ZNF398: variants seen among roughly 807,000 people sequenced by gnomAD.
ZNF398 encodes the protein zinc finger protein 398, also known as zinc finger DNA binding protein ZER6.
Under a neutral mutation model 41.9 loss-of-function variants are expected in ZNF398, and 18 were observed. The observed-to-expected ratio is 0.43, with a 90% CI of 0.30 to 0.64. The LOEUF (loss-of-function observed/expected upper bound fraction) is 0.64, where lower values mean the gene tolerates loss of function less well. Ranked by LOEUF, ZNF398 falls within the 30% of genes least tolerant of loss-of-function variation. The pLI is 0.14. For missense variants in ZNF398, 669 were observed against 822.8 expected, an observed-to-expected ratio of 0.81 and a Z score of 2.29; for synonymous variants, 260 against 308.8, an observed-to-expected ratio of 0.84 and a Z score of 1.66.
At chr7:149,164,277 G>A (rs1301328978) in intron 2 of ZNF398, among the ~76,000 whole-genome samples, 1 of 142,794 alleles carries the variant, frequency 7.0e-6, no homozygotes, top group East Asian at 2.1e-4. Context: ...CGTGGTGGTG[G>A]GCGCCTGTAG....
At chr7:149,137,197 G>C (rs1008498236) in intron 2 of ZNF398, among the ~76,000 whole-genome samples, 7 of 151,944 alleles carry the variant, frequency 4.6e-5, no homozygotes, top group African/African-American at 1.7e-4. Flanking sequence ...TCTGTAAAAA[G>C]TCAGTCGTCC....
chr7:149,176,650 C>A, intron 5 of ZNF398, 69 bp downstream of exon 5: 1 of 1,045,916 alleles, frequency 9.6e-7, no homozygotes, highest in Non-Finnish European at 1.4e-6. Flanking sequence ...GAAGAAACAG[C>A]AGGTGAAATT....
At position 149,154,179 on chromosome 7, in the gene ZNF398, G is replaced by C. The variant is rs373156671; in HGVS notation, c.259G>C (p.Glu87Gln). 2.5e-6 allele frequency: 4 copies of C among 1,614,126 alleles called. No homozygotes were observed. Among genetic ancestry groups the C allele is most frequent in the Non-Finnish European group, 2.5e-6 (3 of 1,180,034 alleles). The stretch of plus-strand genomic sequence containing the variant: ...AGCCAGCTGTGAAAAGACAGTTACC[G>C]AGCTTGGGAACCAGCTGGAGGGCAA... ...KLASCEKTVT[E>Q]LGNQLEGKWA... The change falls in exon 2 of 6, where the codon GAG (glutamate) becomes CAG (glutamine). Residue 87 changes from glutamate (E) to glutamine (Q), a missense_variant. This residue lies in a region of ZNF398 where 169 missense variants were observed against 239.5 expected (regional missense o/e 0.71). Coordinates refer to ENST00000475153, the MANE Select transcript of ZNF398 (RefSeq NM_170686.3).
At chr7:149,151,536 T>C (rs1175782409) in intron 1 of ZNF398, among the ~76,000 whole-genome samples, 1 of 152,194 alleles carries the variant, frequency 6.6e-6, no homozygotes, top group East Asian at 1.9e-4. Flanking sequence ...ATTTTTTCCT[T>C]TTATACTACT....
intron 4 of ZNF398, among the ~76,000 whole-genome samples, chr7:149,175,516 C>T (rs1211424671): frequency 6.6e-6 from 1 of 152,004 alleles, no homozygotes; most frequent in Non-Finnish European, 1.5e-5. Context: ...TATTCTTCCC[C>T]CTCCCAGCAT....
chr7:149,144,549 T>C (rs1826892746), upstream of ZNF398, among the ~76,000 whole-genome samples: 1 of 152,114 alleles, frequency 6.6e-6, no homozygotes, highest in African/African-American at 2.4e-5. Context: ...GCTCCAACAA[T>C]CTACCCACCT....
chr7:149,152,263 CTT>C (rs71192760), intron 1 of ZNF398, among the ~76,000 whole-genome samples: 1 of 136,428 alleles, frequency 7.3e-6, no homozygotes. Flanking sequence ...TTAAAGATTT[CTT>C]TTTTTTTTTT....
At chr7:149,155,707 A>ATAT (rs1794954712) in intron 2 of ZNF398, among the ~76,000 whole-genome samples, 2 of 73,578 alleles carry the variant, frequency 2.7e-5, no homozygotes, top group Non-Finnish European at 2.4e-5. Flanking sequence ...ATATATATAT[A>ATAT]TTTTTTTTTT....
At chr7:149,137,403 A>G in intron 2 of ZNF398, among the ~76,000 whole-genome samples, 1 of 152,050 alleles carries the variant, frequency 6.6e-6, no homozygotes, top group Non-Finnish European at 1.5e-5. Context: ...TTCTTTTAAC[A>G]CAGAGTCTTG....
At chr7:149,163,541 A>T (rs1030066678) in intron 2 of ZNF398, among the ~76,000 whole-genome samples, 1 of 151,810 alleles carries the variant, frequency 6.6e-6, no homozygotes, top group African/African-American at 2.4e-5. Flanking sequence ...CCCCTGGCTA[A>T]TTTTGTATTT....
intron 4 of ZNF398, among the ~76,000 whole-genome samples, chr7:149,167,983 T>C (rs1293420069): frequency 6.6e-6 from 1 of 152,198 alleles, no homozygotes; most frequent in Non-Finnish European, 1.5e-5. Flanking sequence ...AACACCTGGA[T>C]ATCCAGCGCC....
chr7:149,154,025 C>A lies in ZNF398; in HGVS notation c.105C>A (p.His35Gln). ...CACCCCCAGCAGCAAATGAGGCACA[C>A]CTGCAGACAGCAGCTATCTCTCTGT... ...LPTPPAANEA[H>Q]LQTAAISLWT... Residue 35 changes from histidine to glutamine, a missense_variant, in exon 2 of 6, where the codon CAC (histidine) becomes CAA (glutamine). Around this residue, in one of 3 missense-constraint regions of ZNF398, gnomAD observed 169 missense variants for 239.5 expected, o/e 0.71. Transcript: ENST00000475153. 1 of 1,614,194 alleles carries A rather than the reference C, an allele frequency of 6.2e-7. No homozygotes were observed. Among genetic ancestry groups the A allele is most frequent in the Non-Finnish European group, 8.5e-7 (1 of 1,180,036 alleles).
intron 1 of ZNF398, chr7:149,148,378 A>G (rs958101278): frequency 2.3e-5 from 22 of 966,622 alleles, no homozygotes; most frequent in Non-Finnish European, 3.7e-6. Flanking sequence ...GCCAGTTGCC[A>G]GGGCGACCGA....
rs541202554 is a variant in ZNF398 at position 149,164,493 on chromosome 7, G to C, written c.421-1665G>C. Among the ~76,000 whole-genome samples, 123 of 152,234 alleles carry C rather than the reference G, an allele frequency of 8.1e-4. 1 individual carries two copies. Among genetic ancestry groups the C allele is most frequent in the Middle Eastern group, 3.4e-3 (1 of 294 alleles). ...AAGAACGAAACTTTCAAGCATACTA[G>C]AAATAACAGCCATGAAACTAGAGGC... On this transcript the variant is annotated intron_variant, in intron 2 of 5. Coordinates refer to ENST00000475153, the MANE Select transcript of ZNF398 (RefSeq NM_170686.3).
chr7:149,165,376 C>T (rs1795205733), intron 2 of ZNF398, among the ~76,000 whole-genome samples: 1 of 152,148 alleles, frequency 6.6e-6, no homozygotes, highest in African/African-American at 2.4e-5. Context: ...GGGAAATGTA[C>T]AGTCAAGCTA....
intron 2 of ZNF398, among the ~76,000 whole-genome samples, chr7:149,131,384 A>G (rs1190847774): frequency 1.3e-5 from 2 of 152,150 alleles, no homozygotes; most frequent in Non-Finnish European, 2.9e-5. Context: ...ACTATGGGCA[A>G]TTCTTTTAAC....
In ZNF398 at chr7:149,176,474, G is replaced by T. The variant is rs760683550; in HGVS notation, c.668G>T (p.Gly223Val). 1 of 1,612,958 alleles carries T rather than the reference G, an allele frequency of 6.2e-7. No individual in the cohort carries two copies. Among genetic ancestry groups the T allele is most frequent in the Non-Finnish European group, 8.5e-7 (1 of 1,179,200 alleles). The change falls in exon 5 of 6, where the codon GGT becomes GTT. Residue 223 changes from glycine (G) to valine (V), a missense_variant. By Grantham distance (109) the Gly-to-Val change is moderately radical. Transcript: ENST00000475153. ...TTTTCCTCCCACAAATTAGAGCCTG[G>T]TATTTCAACATCAGATATTCTGTCT... ...EIPTDPSEEP[G>V]ISTSDILSWI...
chr7:149,159,172 C>G (rs1795046438), intron 2 of ZNF398, among the ~76,000 whole-genome samples: 1 of 151,490 alleles, frequency 6.6e-6, no homozygotes, highest in African/African-American at 2.4e-5. Flanking sequence ...GGAACTCTGA[C>G]CTCAAGTGAT....
At chr7:149,140,156 G>A (rs1442175300) in intron 2 of ZNF398, among the ~76,000 whole-genome samples, 3 of 152,052 alleles carry the variant, frequency 2.0e-5, no homozygotes, top group Non-Finnish European at 4.4e-5. Flanking sequence ...TGAGGATTAC[G>A]AAAGATGTTA....
Sources: allele counts gnomAD v4.1 joint callset (sites outside exome capture counted in the v4.1 genomes callset), GRCh38; gene constraint gnomAD v4.1.1; regional missense constraint gnomAD v4.1.1; transcripts MANE v1.5; gene names NCBI Gene and HGNC (gene_info 2026-07-23, HGNC 2026-07-21).